FBXL7: variants seen among roughly 807,000 people sequenced by gnomAD.
The protein encoded by FBXL7 is F-box and leucine rich repeat protein 7.
Under a neutral mutation model 38.3 loss-of-function variants are expected in FBXL7, and 12 were observed. The ratio of observed to expected loss-of-function variants is 0.31; its 90% CI spans 0.20 to 0.51. The LOEUF is 0.51. Among genes scored for constraint, FBXL7 ranks in the 20% least tolerant of loss-of-function variants. The probability of loss-of-function intolerance (pLI) is 0.98; values close to 1 mark genes in which losing one functional copy is unlikely to be tolerated. For missense variants in FBXL7, 567 were observed against 676.4 expected, an observed-to-expected ratio of 0.84 and a Z score of 1.79; for synonymous variants, 297 against 300.9, an observed-to-expected ratio of 0.99 and a Z score of 0.13.
chr5:15,865,634 T>C (rs2126814717), intron 2 of FBXL7, among the ~76,000 whole-genome samples: 1 of 152,234 alleles, frequency 6.6e-6, no homozygotes, highest in Non-Finnish European at 1.5e-5. Context: ...ACTCCGTTCT[T>C]GGTCTCTGGG....
At chr5:15,794,848 A>G (rs184262990) in intron 2 of FBXL7, among the ~76,000 whole-genome samples, 93 of 152,358 alleles carry the variant, frequency 6.1e-4, no homozygotes, top group Non-Finnish European at 7.6e-4. Context: ...GGCGAAAAAA[A>G]CAACACAAAA....
At chr5:15,782,243 T>C (rs1737016186) in intron 2 of FBXL7, among the ~76,000 whole-genome samples, 3 of 152,172 alleles carry the variant, frequency 2.0e-5, no homozygotes, top group Admixed American at 2.0e-4. Flanking sequence ...AGGCATTTGG[T>C]TTTTTCCAAG....
intron 2 of FBXL7, among the ~76,000 whole-genome samples, chr5:15,631,690 A>C (rs1157306543): frequency 1.3e-5 from 2 of 150,400 alleles, no homozygotes; most frequent in Non-Finnish European, 3.0e-5. Flanking sequence ...AAAAAAAAAA[A>C]AAAAAGGAAG....
At chr5:15,838,916 A>C (rs1235087679) in intron 2 of FBXL7, among the ~76,000 whole-genome samples, 1 of 152,198 alleles carries the variant, frequency 6.6e-6, no homozygotes, top group Non-Finnish European at 1.5e-5. Flanking sequence ...AATTCTAAGT[A>C]TGGCTCTATC....
At chr5:15,785,413 G>GTTT in intron 2 of FBXL7, among the ~76,000 whole-genome samples, 1 of 152,256 alleles carries the variant, frequency 6.6e-6, no homozygotes, top group Non-Finnish European at 1.5e-5. Flanking sequence ...TATAGGACAG[G>GTTT]CTTTCAGCAA....
chr5:15,878,300 ACTC>A (rs1740296396), intron 2 of FBXL7, among the ~76,000 whole-genome samples: 1 of 152,060 alleles, frequency 6.6e-6, no homozygotes, highest in Non-Finnish European at 1.5e-5. Flanking sequence ...CTGTCAATAA[ACTC>A]CTGATACTTA....
At chr5:15,731,110 CA>C (rs1490190728) in intron 2 of FBXL7, among the ~76,000 whole-genome samples, 1 of 151,978 alleles carries the variant, frequency 6.6e-6, no homozygotes, top group Non-Finnish European at 1.5e-5. Context: ...TTCTTGTTAG[CA>C]AGAGGGAAAA....
chr5:15,500,529 A>T lies in FBXL7; in HGVS notation c.-148A>T. On this transcript the variant is annotated 5_prime_UTR_variant, in exon 1 of 4. Transcript: ENST00000504595. Reference sequence around the variant, plus strand: ...CACCCCCTCCCACTGGAGTGCGGGGACCTCTCCAGGCCGGAGGTCGGCCCC... The same window carrying T: ...CACCCCCTCCCACTGGAGTGCGGGGTCCTCTCCAGGCCGGAGGTCGGCCCC... The T allele has an allele frequency of 9.5e-7, 1 of 1,048,386 alleles. No homozygotes were observed. The highest frequency in any genetic ancestry group is 1.6e-5 in the African/African-American group (1 of 63,386). 64.9% of individuals were successfully genotyped at this position (1,048,386 alleles called of 1,614,324 possible).
In FBXL7 at chr5:15,922,170, T is replaced by C. The variant is rs567949599; in HGVS notation, c.128-5720T>C. Among the ~76,000 whole-genome samples, 12 of 151,400 alleles carry C rather than the reference T, an allele frequency of 7.9e-5. No individual in the cohort carries two copies. In the East Asian group the frequency reaches 2.3e-3, roughly 29 times the overall value. The stretch of plus-strand genomic sequence containing the variant: ...ATATATACATATATCATATATGTTA[T>C]ATATATGAAATACTATTCAGCCATT... On this transcript the variant is annotated intron_variant, in intron 2 of 3. Transcript: ENST00000504595.
intron 1 of FBXL7, among the ~76,000 whole-genome samples, chr5:15,534,277 G>A (rs1476483922): frequency 6.6e-6 from 1 of 152,122 alleles, no homozygotes. Flanking sequence ...TACCATTAGA[G>A]TATCCTGCAG....
intron 2 of FBXL7, among the ~76,000 whole-genome samples, chr5:15,763,407 C>T (rs2964267): frequency 0.53 from 79,837 of 151,992 alleles, 21,523 homozygotes; most frequent in East Asian, 0.68. Context: ...ATTTTTGAAA[C>T]GTAAGAAGAT....
rs748408874 is a variant in FBXL7, at chr5:15,753,906, A to G, written c.127+137834A>G. Among the ~76,000 whole-genome samples the G allele has an allele frequency of 5.3e-5, 8 of 152,236 alleles. No individual in the cohort carries two copies. The South Asian group carries it at 1.2e-3, about 24-fold the overall frequency. ...GAAAGTCCTGGACTGGTCATCAGAT[A>G]TAGGCTCTAGCCTTGACTTCACCAG... On this transcript the variant is annotated intron_variant, in intron 2 of 3. Coordinates refer to ENST00000504595, the MANE Select transcript of FBXL7 (RefSeq NM_012304.5).
chr5:15,688,576 G>A (rs935100440), intron 2 of FBXL7, among the ~76,000 whole-genome samples: 7 of 152,158 alleles, frequency 4.6e-5, no homozygotes, highest in African/African-American at 9.6e-5. Flanking sequence ...CTCCATGGTC[G>A]CCTCCAGTCA....
intron 2 of FBXL7, among the ~76,000 whole-genome samples, chr5:15,885,092 G>C (rs1049697954): frequency 2.0e-5 from 3 of 152,172 alleles, no homozygotes; most frequent in South Asian, 4.1e-4. Flanking sequence ...GGTGTTGTCT[G>C]GGACTGCAGT....
Position 15,779,402 on chromosome 5 carries a change from T to A in FBXL7, c.128-148488T>A, listed in dbSNP as rs953438535. ...GTAATGACTATTCCAGTTACCCTAATTTGATCATTACATATTGTATACATG... is the reference window on the plus strand; with the variant it reads ...GTAATGACTATTCCAGTTACCCTAAATTGATCATTACATATTGTATACATG... On this transcript the variant is annotated intron_variant, in intron 2 of 3. Coordinates refer to ENST00000504595, the MANE Select transcript of FBXL7 (RefSeq NM_012304.5). Among the ~76,000 whole-genome samples the A allele has an allele frequency of 3.3e-5, 5 of 152,164 alleles. No homozygotes were observed. In the East Asian group the frequency reaches 9.6e-4, roughly 29 times the overall value.
intron 2 of FBXL7, among the ~76,000 whole-genome samples, chr5:15,812,880 C>G (rs1029556332): frequency 2.6e-5 from 4 of 152,084 alleles, no homozygotes; most frequent in Non-Finnish European, 1.5e-5. Context: ...GTATTTTATT[C>G]TCTTTGTAGC....
intron 1 of FBXL7, among the ~76,000 whole-genome samples, chr5:15,591,617 G>T (rs1260992946): frequency 6.6e-6 from 1 of 152,120 alleles, no homozygotes; most frequent in Admixed American, 6.5e-5. Flanking sequence ...CCCACAATTG[G>T]CAGGGACAGG....
intron 2 of FBXL7, among the ~76,000 whole-genome samples, chr5:15,623,231 G>A (rs543723738): frequency 3.3e-5 from 5 of 152,304 alleles, no homozygotes; most frequent in Admixed American, 1.3e-4. Context: ...ATTATTCCCA[G>A]TAGGAGGAAA....
At chr5:15,878,699 T>C (rs954634659) in intron 2 of FBXL7, among the ~76,000 whole-genome samples, 1 of 152,194 alleles carries the variant, frequency 6.6e-6, no homozygotes, top group African/African-American at 2.4e-5. Context: ...TACAGTCAAT[T>C]AAAGAATGTG....
Sources: gnomAD v4.1 joint callset for allele counts (sites outside exome capture counted in the v4.1 genomes callset) on GRCh38, gnomAD v4.1.1 for gene constraint, MANE v1.5 for transcripts, NCBI Gene and HGNC (gene_info 2026-07-23, HGNC 2026-07-21) for gene names.